Variants in PHC3 observed in about 807,000 individuals in gnomAD.
PHC3 encodes polyhomeotic-like protein 3.
In PHC3, 13 loss-of-function variants were observed where a neutral mutation model predicts 107.4. The observed-to-expected ratio is 0.12, with a 90% CI of 0.08 to 0.19. The LOEUF is 0.19. Among genes scored for constraint, PHC3 ranks in the 10% least tolerant of loss-of-function variants. The probability of loss-of-function intolerance (pLI) is 1.00; values close to 1 mark genes in which losing one functional copy is unlikely to be tolerated. For synonymous variants in PHC3, 456 were observed against 427.4 expected, an observed-to-expected ratio of 1.07 and a Z score of -0.83; for missense variants, 992 against 1,210.9, an observed-to-expected ratio of 0.82 and a Z score of 2.68.
At chr3:170,133,139 TAATC>T (rs1722527378) in intron 7 of PHC3, among the ~76,000 whole-genome samples, 2 of 152,014 alleles carry the variant, frequency 1.3e-5, no homozygotes, top group Admixed American at 6.6e-5. Context: ...TGAGGACAAA[TAATC>T]AATTGAGAAT....
rs1280353045 is a variant in PHC3 at position 170,089,178 on chromosome 3, C to CA, written c.*8051dup. The CA allele has an allele frequency of 6.6e-6, 1 of 151,976 alleles. No individual in the cohort carries two copies. The highest frequency in any genetic ancestry group is 2.4e-5 in the African/African-American group (1 of 41,366). The allele number at this position is 151,976 out of a possible 1,614,324, so 9.4% of individuals were successfully genotyped here. On this transcript the variant is annotated 3_prime_UTR_variant, in exon 15 of 15. Transcript: ENST00000495893. ...AGACTCTGTCTCAAAACAAACAAAA[C>CA]AAAAAAGCTAAAACAATGATAAACT...
intron 6 of PHC3, 96 bp downstream of exon 6, chr3:170,145,327 C>A (rs918623583): frequency 1.4e-5 from 13 of 912,442 alleles, no homozygotes; most frequent in Admixed American, 2.8e-5. Flanking sequence ...ACAAAGAGCA[C>A]TGAAACCATC....
chr3:170,122,453 A>C (rs978113470), intron 9 of PHC3, 138 bp downstream of exon 9: 1 of 850,946 alleles, frequency 1.2e-6, no homozygotes, highest in African/African-American at 1.7e-5. Flanking sequence ...AAAATAAAAA[A>C]TCAGCCAGCT....
chr3:170,099,125 A>G (rs1003260428), intron 14 of PHC3, among the ~76,000 whole-genome samples: 3 of 152,208 alleles, frequency 2.0e-5, no homozygotes, highest in Non-Finnish European at 4.4e-5. Context: ...AAGTAATGAG[A>G]ACTATAAGAG....
intron 7 of PHC3, among the ~76,000 whole-genome samples, chr3:170,131,145 TAAAAA>T (rs35021791): frequency 1.5e-5 from 2 of 136,362 alleles, no homozygotes; most frequent in African/African-American, 2.7e-5. Context: ...CACTAATTGT[TAAAAA>T]AAAAAAAAAA....
chr3:170,122,877 GA>G, intron 8 of PHC3, 133 bp from the exon 9 acceptor site: 1 of 990,262 alleles, frequency 1.0e-6, no homozygotes, highest in Non-Finnish European at 1.4e-6. Context: ...CTAACAGACT[GA>G]AAGGAAAACT....
chr3:170,158,191 A>C (rs1301370565), intron 4 of PHC3, among the ~76,000 whole-genome samples: 1 of 152,172 alleles, frequency 6.6e-6, no homozygotes, highest in Non-Finnish European at 1.5e-5. Context: ...GAAAGAAAAA[A>C]AATGAAGTCT....
At chr3:170,136,299 T>A (rs781683767) in intron 7 of PHC3, 120 bp downstream of exon 7, 10 of 1,210,426 alleles carry the variant, frequency 8.3e-6, no homozygotes, top group Middle Eastern at 2.1e-4. Flanking sequence ...GTTTATAAAA[T>A]TCACATTTTA....
Position 170,126,529 on chromosome 3 carries a change from T to TATATCTATA in PHC3, c.1788+2154_1788+2155insTATAGATAT, listed in dbSNP as rs1491097010. ...GTATATATATATATATATATATATA[T>TATATCTATA]TTTTTTTTTTTTTTCCTTTTTCTTT... On this transcript the variant is annotated intron_variant, in intron 8 of 14. Coordinates refer to ENST00000495893, the MANE Select transcript of PHC3 (RefSeq NM_024947.4). Among the ~76,000 whole-genome samples the TATATCTATA allele has an allele frequency of 2.8e-3, 112 of 39,978 alleles. 3 individuals are homozygous for TATATCTATA. The highest frequency in any genetic ancestry group is 8.7e-3 in the African/African-American group (108 of 12,434). The allele number at this position is 39,978 out of a possible 152,430, so 26.2% of individuals were successfully genotyped here. A position where few individuals can be genotyped will look rare whatever the true frequency, so the allele number is the denominator to read the frequency against.
At chr3:170,141,802 C>T (rs543218724) in intron 6 of PHC3, among the ~76,000 whole-genome samples, 51 of 152,062 alleles carry the variant, frequency 3.4e-4, no homozygotes, top group Admixed American at 1.1e-3. Context: ...TGGGGTTTTG[C>T]CATGTTGACC....
chr3:170,132,067 G>T (rs933659769), intron 7 of PHC3, among the ~76,000 whole-genome samples: 5 of 152,034 alleles, frequency 3.3e-5, no homozygotes, highest in African/African-American at 1.2e-4. Context: ...TAAAAGAAAA[G>T]ACCTAGTGCT....
chr3:170,179,058 G>C, intron 1 of PHC3, 120 bp from the exon 2 acceptor site: 1 of 917,858 alleles, frequency 1.1e-6, no homozygotes, highest in East Asian at 2.4e-5. Flanking sequence ...TCTCATAAAA[G>C]ACAGCCAACA....
At chr3:170,142,105 C>T (rs886112542) in intron 6 of PHC3, among the ~76,000 whole-genome samples, 5 of 151,848 alleles carry the variant, frequency 3.3e-5, no homozygotes, top group Admixed American at 6.6e-5. Flanking sequence ...GTAACGGCTC[C>T]GAGAATAGAG....
At chr3:170,119,575 G>A (rs1364100752) in intron 9 of PHC3, among the ~76,000 whole-genome samples, 3 of 152,058 alleles carry the variant, frequency 2.0e-5, no homozygotes, top group African/African-American at 7.2e-5. Flanking sequence ...TACAATAGAA[G>A]AGAAAGACAA....
intron 8 of PHC3, among the ~76,000 whole-genome samples, chr3:170,124,414 A>T (rs1720939562): frequency 1.3e-5 from 2 of 151,632 alleles, no homozygotes; most frequent in South Asian, 4.2e-4. Context: ...AAAGGGTCTC[A>T]CTCTGCTGCC....
Position 170,102,900 on chromosome 3 carries a change from T to C in PHC3, c.2503A>G (p.Ser835Gly), listed in dbSNP as rs537605155. Residue 835 changes from serine (S) to glycine (G), a missense_variant, in exon 13 of 15, where the codon AGT (serine) becomes GGT (glycine). Physicochemically the swap from Ser to Gly is moderately conservative, Grantham distance 56. Coordinates refer to ENST00000495893, the MANE Select transcript of PHC3 (RefSeq NM_024947.4). ...TTATCAGGCTTACGATTCCAACGAC[T>C]AAGTGCAAATTTTTTAGAACAGCTA... The part of the protein sequence containing the change: ...NVSCSKKFAL[S>G]RWNRKPDNQS... 1.2e-6 allele frequency: 2 copies of C among 1,613,422 alleles called. No individual in the cohort carries two copies. Among genetic ancestry groups the C allele is most frequent in the South Asian group, 1.1e-5 (1 of 91,060 alleles).
At chr3:170,131,963 G>A (rs551537157) in intron 7 of PHC3, among the ~76,000 whole-genome samples, 1 of 152,206 alleles carries the variant, frequency 6.6e-6, no homozygotes, top group African/African-American at 2.4e-5. Flanking sequence ...TCTTTGATCA[G>A]AAATCAAAGT....
At chr3:170,098,349 G>A (rs1714921504) in intron 14 of PHC3, among the ~76,000 whole-genome samples, 1 of 152,096 alleles carries the variant, frequency 6.6e-6, no homozygotes, top group Admixed American at 6.6e-5. Flanking sequence ...CATAAAAACT[G>A]ACAGCTTAAG....
intron 5 of PHC3, among the ~76,000 whole-genome samples, chr3:170,146,144 G>A (rs1724894044): frequency 6.6e-6 from 1 of 152,148 alleles, no homozygotes; most frequent in African/African-American, 2.4e-5. Context: ...GAAGGCCAAG[G>A]CAGGTGGATC....
Sources: allele counts gnomAD v4.1 joint callset (sites outside exome capture counted in the v4.1 genomes callset), GRCh38; gene constraint gnomAD v4.1.1; transcripts MANE v1.5; gene names NCBI Gene and HGNC (gene_info 2026-07-23, HGNC 2026-07-21).